The following CAMK4 variants were observed in gnomAD, a reference collection of about 807,000 sequenced individuals.
The protein encoded by CAMK4 is calcium/calmodulin-dependent protein kinase type IV.
In CAMK4, 22 loss-of-function variants were observed where a neutral mutation model predicts 44.9. The ratio of observed to expected loss-of-function variants is 0.49; its 90% CI spans 0.35 to 0.70. The LOEUF (loss-of-function observed/expected upper bound fraction) is 0.70. CAMK4 is among the 30% of genes least tolerant of loss of function. The probability of loss-of-function intolerance (pLI) is 0.01; values close to 1 mark genes in which losing one functional copy is unlikely to be tolerated. For synonymous variants in CAMK4, 218 were observed against 215.4 expected, an observed-to-expected ratio of 1.01 and a Z score of -0.11; for missense variants, 498 against 586.8, an observed-to-expected ratio of 0.85 and a Z score of 1.56.
At chr5:111,410,475 G>A (rs1391701633) in intron 5 of CAMK4, among the ~76,000 whole-genome samples, 17 of 152,140 alleles carry the variant, frequency 1.1e-4, no homozygotes, top group Admixed American at 1.1e-3. Context: ...ACACAGCCAA[G>A]CCATATCAGA....
chr5:111,297,142 T>G (rs771490552), intron 1 of CAMK4, among the ~76,000 whole-genome samples: 1 of 152,220 alleles, frequency 6.6e-6, no homozygotes, highest in Non-Finnish European at 1.5e-5. Context: ...GAATTCCAAT[T>G]TTTTGAAAAT....
chr5:111,303,669 C>G (rs1186270601), intron 1 of CAMK4, among the ~76,000 whole-genome samples: 15 of 143,350 alleles, frequency 1.0e-4, no homozygotes, highest in Middle Eastern at 3.4e-3. Context: ...GGAAAACACT[C>G]GGCAGGATAT....
chr5:111,232,381 ATTTGGCAGGAT>A (rs1252497867), intron 1 of CAMK4, among the ~76,000 whole-genome samples: 14 of 152,128 alleles, frequency 9.2e-5, no homozygotes, highest in African/African-American at 3.4e-4. Context: ...AGACTCTGAA[ATTTGGCAGGAT>A]TTTAATAGGT....
chr5:111,344,821 G>A (rs968206555), intron 2 of CAMK4, among the ~76,000 whole-genome samples: 1 of 151,770 alleles, frequency 6.6e-6, no homozygotes. Context: ...CAACACCTGT[G>A]TAATACTGTC....
At chr5:111,346,496 A>G (rs1449120223) in intron 2 of CAMK4, among the ~76,000 whole-genome samples, 7 of 151,396 alleles carry the variant, frequency 4.6e-5, no homozygotes, top group African/African-American at 1.7e-4. Context: ...CTATCTATCT[A>G]TCTATCTATC....
At chr5:111,377,608 T>G (rs1472421640) in intron 4 of CAMK4, among the ~76,000 whole-genome samples, 1 of 152,102 alleles carries the variant, frequency 6.6e-6, no homozygotes, top group African/African-American at 2.4e-5. Flanking sequence ...GTTTCTATAG[T>G]TGTTCCATCT....
At chr5:111,408,752 G>C (rs868429939) in intron 5 of CAMK4, among the ~76,000 whole-genome samples, 5 of 152,196 alleles carry the variant, frequency 3.3e-5, no homozygotes, top group African/African-American at 1.2e-4. Flanking sequence ...TTACTTCCTA[G>C]ATACAGTGGG....
At chr5:111,284,414 T>C (rs1010560877) in intron 1 of CAMK4, among the ~76,000 whole-genome samples, 1 of 152,238 alleles carries the variant, frequency 6.6e-6, no homozygotes, top group Non-Finnish European at 1.5e-5. Flanking sequence ...CTCTGCATCA[T>C]GGCTTTCCTC....
intron 1 of CAMK4, among the ~76,000 whole-genome samples, chr5:111,263,831 C>T (rs1029414098): frequency 6.6e-6 from 1 of 152,148 alleles, no homozygotes; most frequent in African/African-American, 2.4e-5. Flanking sequence ...CTGATAGCCA[C>T]GTGTCACTAT....
chr5:111,337,053 A>C (rs907080832), intron 1 of CAMK4, among the ~76,000 whole-genome samples: 1 of 151,158 alleles, frequency 6.6e-6, no homozygotes, highest in Admixed American at 6.6e-5. Context: ...TGTAAACACC[A>C]TAACAGTCAA....
chr5:111,287,059 G>A (rs1359529318), intron 1 of CAMK4, among the ~76,000 whole-genome samples: 2 of 152,170 alleles, frequency 1.3e-5, no homozygotes, highest in African/African-American at 4.8e-5. Context: ...AAAAGATGCT[G>A]ATTGGTGGAA....
rs570110021 is a variant in CAMK4, at chr5:111,492,495, C to T, written c.*8029C>T. The T allele has an allele frequency of 6.6e-6, 1 of 152,244 alleles. No homozygotes were observed. Among genetic ancestry groups the T allele is most frequent in the East Asian group, 1.9e-4 (1 of 5,170 alleles). The allele number at this position is 152,244 out of a possible 1,614,324, so 9.4% of individuals were successfully genotyped here. On this transcript the variant is annotated 3_prime_UTR_variant, in exon 11 of 11. Transcript: ENST00000282356. ...TGTAGATTAGGATTCCACATTCTCC[C>T]CTGCCCATCTTCTTGATTGCTCAGT...
chr5:111,281,601 G>A (rs922820311), intron 1 of CAMK4, among the ~76,000 whole-genome samples: 1 of 152,164 alleles, frequency 6.6e-6, no homozygotes, highest in South Asian at 2.1e-4. Context: ...GGCCTCTCTG[G>A]GTTATGTAAT....
intron 1 of CAMK4, among the ~76,000 whole-genome samples, chr5:111,257,674 C>A (rs1749797784): frequency 6.6e-6 from 1 of 152,168 alleles, no homozygotes; most frequent in Non-Finnish European, 1.5e-5. Context: ...ATAAATCATT[C>A]TGTTAGAAAG....
chr5:111,251,117 G>T (rs1030255474), intron 1 of CAMK4, among the ~76,000 whole-genome samples: 48 of 152,292 alleles, frequency 3.2e-4, no homozygotes, highest in African/African-American at 1.0e-3. Context: ...TTAGAGTTGC[G>T]TAGCTGTATT....
At chr5:111,468,072 T>C in intron 7 of CAMK4, among the ~76,000 whole-genome samples, 1 of 151,980 alleles carries the variant, frequency 6.6e-6, no homozygotes. Context: ...AACTCAGGAA[T>C]GGAAAACCAA....
In CAMK4 at chr5:111,482,838, T is replaced by C; in HGVS notation, c.882T>C (p.Ala294=). The C allele has an allele frequency of 6.2e-7, 1 of 1,612,344 alleles. No homozygotes were observed. The highest frequency in any genetic ancestry group is 8.5e-7 in the Non-Finnish European group (1 of 1,179,248). ...AGAAACGGCTGACTACATTTCAAGC[T>C]CTCCAGCATCCGTGGGTCACAGGTA... ...DPKKRLTTFQ[A]LQHPWVTGKA... is the part of the protein sequence containing the mutation. The change falls in exon 10 of 11, where the codon GCT becomes GCC. Residue 294 remains alanine, a synonymous_variant. Transcript: ENST00000282356. This position sits in a 1 kb window ranked among gnomAD's most constrained non-coding sequence, Gnocchi z 4.9.
chr5:111,409,848 T>C (rs1415182971), intron 5 of CAMK4, among the ~76,000 whole-genome samples: 1 of 152,172 alleles, frequency 6.6e-6, no homozygotes, highest in African/African-American at 2.4e-5. Flanking sequence ...AAGAAGTTCC[T>C]CATCTCCATT....
At chr5:111,442,543 T>TATAC (rs1491136946) in intron 5 of CAMK4, among the ~76,000 whole-genome samples, 18 of 99,384 alleles carry the variant, frequency 1.8e-4, no homozygotes, top group African/African-American at 2.5e-4. Flanking sequence ...TATATATATA[T>TATAC]ACACACACAC....
Sources: gnomAD v4.1 joint callset for allele counts (sites outside exome capture counted in the v4.1 genomes callset) on GRCh38, gnomAD v4.1.1 for gene constraint, Gnocchi (gnomAD v3.1) non-coding constraint, MANE v1.5 for transcripts, NCBI Gene and HGNC (gene_info 2026-07-23, HGNC 2026-07-21) for gene names.